The following FBN2 variants were observed in gnomAD, a reference collection of about 807,000 sequenced individuals.
The protein encoded by FBN2 is fibrillin-2.
A neutral mutation model predicts 355.6 loss-of-function variants in FBN2; 105 were observed. The ratio of observed to expected loss-of-function variants is 0.30; its 90% CI spans 0.25 to 0.35. FBN2 has a LOEUF of 0.35. FBN2 is among the 10% of genes least tolerant of loss of function. The pLI is 1.00. For synonymous variants in FBN2, 1,350 were observed against 1,301.2 expected (o/e 1.04, Z -0.81); for missense variants, 3,280 against 3,758.7 (o/e 0.87, Z 3.33).
At chr5:128,274,732 T>G in intron 59 of FBN2, 49 bp from the exon 60 acceptor site, 2 of 1,132,016 alleles carry the variant, frequency 1.8e-6, no homozygotes, top group Non-Finnish European at 2.7e-6. Context: ...TATCTGGCTA[T>G]GTTTCCTTTC....
In FBN2 at chr5:128,311,985, T is replaced by C. The variant is rs751353324; in HGVS notation, c.4880-32A>G. 14 of 1,463,102 alleles carry C rather than the reference T, an allele frequency of 9.6e-6. No homozygotes were observed. In the South Asian group the frequency reaches 1.3e-4, roughly 13 times the overall value. 90.6% of individuals were successfully genotyped at this position (1,463,102 alleles called of 1,614,324 possible). A position where few individuals can be genotyped will look rare whatever the true frequency, so the allele number is the denominator to read the frequency against. ...AACAATAGAAAAATAAGAGGTTTGA[T>C]ACCTGTGTCCAAGTGGCTGAGACAA... On this transcript the variant is annotated intron_variant, in intron 37 of 64. Transcript: ENST00000262464.
At chr5:128,261,983 T>C in intron 63 of FBN2, 76 bp from the exon 64 acceptor site, 2 of 1,182,140 alleles carry the variant, frequency 1.7e-6, no homozygotes, top group African/African-American at 1.5e-5. Flanking sequence ...GAGCAGACTC[T>C]TCAGAAACAC....
intron 34 of FBN2, among the ~76,000 whole-genome samples, chr5:128,326,773 A>G (rs1447506823): frequency 3.3e-5 from 5 of 152,124 alleles, no homozygotes; most frequent in Non-Finnish European, 7.4e-5. Flanking sequence ...AGGGTGAACT[A>G]CAGGTGTGCC....
intron 18 of FBN2, among the ~76,000 whole-genome samples, chr5:128,362,395 T>C (rs1158897139): frequency 6.6e-6 from 1 of 152,234 alleles, no homozygotes; most frequent in Non-Finnish European, 1.5e-5. Flanking sequence ...TTTTGCATAC[T>C]CTTTTAGCAG....
chr5:128,507,005 A>T (rs1755980938), intron 5 of FBN2, among the ~76,000 whole-genome samples: 1 of 152,088 alleles, frequency 6.6e-6, no homozygotes, highest in South Asian at 2.1e-4. Context: ...GAGAAATTGT[A>T]TATCATAATT....
At chr5:128,262,567 G>T (rs1765002378) in intron 63 of FBN2, among the ~76,000 whole-genome samples, 1 of 152,152 alleles carries the variant, frequency 6.6e-6, no homozygotes, top group Admixed American at 6.5e-5. Context: ...GCCTGTATTT[G>T]CTGCTTGCAA....
At chr5:128,434,191 T>C (rs556365526) in intron 7 of FBN2, among the ~76,000 whole-genome samples, 6 of 151,690 alleles carry the variant, frequency 4.0e-5, no homozygotes, top group African/African-American at 1.5e-4. Flanking sequence ...AAACACTATA[T>C]TAAAATAAGA....
At chr5:128,324,822 T>C (rs949226929) in intron 34 of FBN2, among the ~76,000 whole-genome samples, 1 of 152,124 alleles carries the variant, frequency 6.6e-6, no homozygotes, top group Non-Finnish European at 1.5e-5. Context: ...GGTTTTGCCA[T>C]GTTAGCCAGT....
At chr5:128,360,581 A>T (rs1426681830) in intron 19 of FBN2, among the ~76,000 whole-genome samples, 1 of 151,888 alleles carries the variant, frequency 6.6e-6, no homozygotes, top group Non-Finnish European at 1.5e-5. Flanking sequence ...TCTTTAGGCT[A>T]ATTACTGTTT....
intron 48 of FBN2, 33 bp downstream of exon 48, chr5:128,300,784 A>T: frequency 6.2e-7 from 1 of 1,610,368 alleles, no homozygotes; most frequent in Non-Finnish European, 8.5e-7. Flanking sequence ...ATACTGAACT[A>T]CTAGTGGGCC....
At chr5:128,264,448 A>T (rs997768553) in intron 62 of FBN2, among the ~76,000 whole-genome samples, 18 of 152,338 alleles carry the variant, frequency 1.2e-4, no homozygotes, top group African/African-American at 3.8e-4. Context: ...TCGCTTAATG[A>T]CTAACATTAT....
intron 6 of FBN2, among the ~76,000 whole-genome samples, chr5:128,464,294 G>C (rs893609568): frequency 6.6e-6 from 1 of 152,106 alleles, no homozygotes; most frequent in African/African-American, 2.4e-5. Flanking sequence ...TATTAATAAT[G>C]ATAGAGGGCC....
intron 27 of FBN2, 115 bp from the exon 28 acceptor site, chr5:128,336,228 GT>G: frequency 1.0e-6 from 1 of 1,003,436 alleles, no homozygotes; most frequent in Non-Finnish European, 1.6e-6. Context: ...TCACGAGGAA[GT>G]AAAATGTTCT....
rs763788044 is a variant in FBN2, at chr5:128,338,007, C to T, written c.3588G>A (p.Glu1196=). The change falls in exon 27 of 65, where the codon GAG becomes GAA. Residue 1196 remains glutamate (E), a synonymous_variant. Coordinates refer to ENST00000262464, the MANE Select transcript of FBN2 (RefSeq NM_001999.4). ...PLGHELSPSR[E]DCVDINECSL... Reference sequence around the variant, plus strand: ...AGGAGATAAACTCACCCACACAGTCCTCACGGGATGGTGACAGCTCGTGTC... The same window carrying T: ...AGGAGATAAACTCACCCACACAGTCTTCACGGGATGGTGACAGCTCGTGTC... The T allele has an allele frequency of 1.3e-5, 21 of 1,614,146 alleles. No individual in the cohort carries two copies. Among genetic ancestry groups the T allele is most frequent in the Non-Finnish European group, 1.7e-5 (20 of 1,179,998 alleles).
chr5:128,381,173 C>T (rs985661438), intron 11 of FBN2, among the ~76,000 whole-genome samples: 1 of 151,904 alleles, frequency 6.6e-6, no homozygotes, highest in Admixed American at 6.6e-5. Context: ...AAAAACATTG[C>T]TAACAGCAGT....
intron 48 of FBN2, among the ~76,000 whole-genome samples, chr5:128,298,583 C>A (rs1356950859): frequency 6.6e-6 from 1 of 152,152 alleles, no homozygotes; most frequent in Non-Finnish European, 1.5e-5. Context: ...TCATTTCATT[C>A]ATTTCATCTT....
chr5:128,320,455 C>T (rs1750339069), intron 34 of FBN2, among the ~76,000 whole-genome samples: 2 of 152,154 alleles, frequency 1.3e-5, no homozygotes, highest in South Asian at 2.1e-4. Context: ...CTCATGGGAT[C>T]CTCCCTCCTT....
intron 36 of FBN2, among the ~76,000 whole-genome samples, chr5:128,315,272 T>G (rs993953097): frequency 6.6e-6 from 1 of 152,206 alleles, no homozygotes; most frequent in African/African-American, 2.4e-5. Context: ...GCTAACTCAA[T>G]TTTTTAATCT....
At chr5:128,299,583 C>T (rs7710624) in intron 48 of FBN2, among the ~76,000 whole-genome samples, 7,117 of 152,168 alleles carry the variant, frequency 0.047, 580 homozygotes, top group African/African-American at 0.16. Context: ...TGACCCGATT[C>T]TCCAGGTGCC....
Sources: gnomAD v4.1 joint callset for allele counts (sites outside exome capture counted in the v4.1 genomes callset) on GRCh38, gnomAD v4.1.1 for gene constraint, MANE v1.5 for transcripts, NCBI Gene and HGNC (gene_info 2026-07-23, HGNC 2026-07-21) for gene names.